ULK2: variants seen among roughly 807,000 people sequenced by gnomAD.
The protein encoded by ULK2 is unc-51 like autophagy activating kinase 2.
A neutral mutation model predicts 127.5 loss-of-function variants in ULK2; 76 were observed. That is an observed-to-expected ratio of 0.60 (90% CI 0.50 to 0.72). ULK2 has a LOEUF of 0.72. ULK2 is among the 30% of genes least tolerant of loss of function. The pLI is 0.00. For missense variants in ULK2, 1,144 were observed against 1,295.9 expected (o/e 0.88, Z 1.80); for synonymous variants, 452 against 461.9 (o/e 0.98, Z 0.28).
chr17:19,771,051 C>T lies in ULK2; in HGVS notation c.*5298G>A, dbSNP rs11658829. ...TGGAGCACCAAATGGAAAAGCTCTT[C>T]CTTCCTTCCCCTCTTCCTGTACATC... On this transcript the variant is annotated 3_prime_UTR_variant, in exon 27 of 27. Transcript: ENST00000395544. 5 of 152,164 alleles carry T rather than the reference C, an allele frequency of 3.3e-5. No individual in the cohort carries two copies. Among genetic ancestry groups the T allele is most frequent in the South Asian group, 2.1e-4 (1 of 4,834 alleles). The allele number at this position is 152,164 out of a possible 1,614,324, so 9.4% of individuals were successfully genotyped here. A position where few individuals can be genotyped will look rare whatever the true frequency, so the allele number is the denominator to read the frequency against.
chr17:19,850,222 T>A (rs767053806), intron 3 of ULK2, among the ~76,000 whole-genome samples: 11 of 152,196 alleles, frequency 7.2e-5, no homozygotes, highest in Non-Finnish European at 4.4e-5. Flanking sequence ...ATTTCTGGAA[T>A]ATATGACTCA....
In ULK2 at chr17:19,839,797, T is replaced by C. The variant is rs551587303; in HGVS notation, c.705-1214A>G. On this transcript the variant is annotated intron_variant, in intron 9 of 26. Transcript: ENST00000395544. ...CCTCATGCATTTGTGCAGCATCAAA[T>C]CTGCTAACATTCCATGTTGGTAAAA... Among the ~76,000 whole-genome samples, 239 of 152,190 alleles carry C rather than the reference T, an allele frequency of 1.6e-3. 1 individual carries two copies. The highest frequency in any genetic ancestry group is 5.5e-3 in the African/African-American group (228 of 41,520).
At chr17:19,810,546 A>G (rs1420850579) in intron 13 of ULK2, 108 bp from the exon 14 acceptor site, 1 of 634,650 alleles carries the variant, frequency 1.6e-6, no homozygotes, top group African/African-American at 1.9e-5. Flanking sequence ...CAAAATTACC[A>G]TTGGCTTATG....
chr17:19,777,471 G>A (rs759437834), intron 26 of ULK2, 110 bp downstream of exon 26: 2 of 1,237,950 alleles, frequency 1.6e-6, no homozygotes, highest in Non-Finnish European at 2.2e-6. Context: ...AGGCTGGAAA[G>A]CCACGATTCA....
intron 21 of ULK2, chr17:19,784,126 G>A (rs933703645): frequency 1.3e-5 from 5 of 386,132 alleles, no homozygotes; most frequent in South Asian, 1.4e-4. Flanking sequence ...CATCATCAGA[G>A]CTAGTTTTTT....
At chr17:19,821,221 C>A (rs1286161475) in intron 12 of ULK2, among the ~76,000 whole-genome samples, 1 of 152,152 alleles carries the variant, frequency 6.6e-6, no homozygotes, top group Non-Finnish European at 1.5e-5. Flanking sequence ...GCAGGAGAAT[C>A]ACTTGAACGC....
Position 19,864,799 on chromosome 17 carries a change from G to A in ULK2, c.225+4C>T, listed in dbSNP as rs2152404069. 3 of 1,281,096 alleles carry A rather than the reference G, an allele frequency of 2.3e-6. No homozygotes were observed. The highest frequency in any genetic ancestry group is 5.5e-5 in the East Asian group (2 of 36,550). The allele number at this position is 1,281,096 out of a possible 1,614,324, so 79.4% of individuals were successfully genotyped here. On this transcript the variant is annotated splice_donor_region_variant and intron_variant, in intron 3 of 26. Transcript: ENST00000395544. ...AATTTTTAAAAATTTTCAAAATAAG[G>A]TACCTGAACATCATAGAGTGCTACA...
At chr17:19,832,086 C>T (rs2041467507) in intron 10 of ULK2, among the ~76,000 whole-genome samples, 2 of 151,696 alleles carry the variant, frequency 1.3e-5, no homozygotes, top group African/African-American at 2.4e-5. Flanking sequence ...CAAGATGACG[C>T]CACTGCACTC....
chr17:19,867,571 C>G lies in ULK2; in HGVS notation c.-154G>C, dbSNP rs116512860. 0.022 allele frequency: 7,956 copies of G among 369,704 alleles called. 386 individuals carry two copies. The highest frequency in any genetic ancestry group is 0.11 in the African/African-American group (5,036 of 46,288). The allele number at this position is 369,704 out of a possible 1,614,324, so 22.9% of individuals were successfully genotyped here. ...CGGGCGGACTCTCATGCCGAGAGAC[C>G]GGAGCGGAAACTGGGGAAGCTGCCG... On this transcript the variant is annotated 5_prime_UTR_variant, in exon 1 of 27. Coordinates refer to ENST00000395544, the MANE Select transcript of ULK2 (RefSeq NM_014683.4).
At chr17:19,778,816 A>C (rs1439965871) in intron 25 of ULK2, among the ~76,000 whole-genome samples, 1 of 152,182 alleles carries the variant, frequency 6.6e-6, no homozygotes, top group Non-Finnish European at 1.5e-5. Flanking sequence ...TAAAATGGAT[A>C]CAGAAGATCA....
chr17:19,807,920 C>T (rs961486672), intron 14 of ULK2, among the ~76,000 whole-genome samples: 1 of 152,102 alleles, frequency 6.6e-6, no homozygotes, highest in Non-Finnish European at 1.5e-5. Flanking sequence ...GCCTGACCAA[C>T]ATGGCGAAAC....
intron 20 of ULK2, among the ~76,000 whole-genome samples, chr17:19,790,898 C>G (rs941966078): frequency 2.6e-5 from 4 of 152,084 alleles, no homozygotes; most frequent in Admixed American, 2.6e-4. Context: ...AGACAAAAAC[C>G]ATAAAAAGGG....
intron 25 of ULK2, among the ~76,000 whole-genome samples, chr17:19,778,160 T>A (rs2086846788): frequency 6.6e-6 from 1 of 152,210 alleles, no homozygotes; most frequent in Non-Finnish European, 1.5e-5. Context: ...GTGTAGTCAT[T>A]CATTCATTCA....
At chr17:19,801,986 T>G (rs1449860704) in intron 15 of ULK2, 64 bp from the exon 16 acceptor site, 2 of 1,511,278 alleles carry the variant, frequency 1.3e-6, no homozygotes, top group Non-Finnish European at 1.8e-6. Context: ...CTGCATTTTC[T>G]GAAACTTCCT....
intron 10 of ULK2, among the ~76,000 whole-genome samples, chr17:19,834,227 AAC>A (rs990122412): frequency 2.0e-5 from 3 of 152,148 alleles, no homozygotes; most frequent in African/African-American, 7.2e-5. Context: ...CAAAAAAAAA[AAC>A]ACTTTTCCAA....
rs1294334011 is a variant in ULK2, at chr17:19,816,846, T to C, written c.999A>G (p.Gln333=). ...SPPLGPPNYL[Q]VSKDSASTSS... is the part of the protein sequence containing the mutation. ...TAGTACTGGCAGAATCTTTGGAAAC[T>C]TGTAGATAGTTGGGAGGACCCAATG... is the stretch of plus-strand genomic sequence containing the variant. Residue 333 remains glutamine, a synonymous_variant, in exon 13 of 27, where the codon CAA becomes CAG. Coordinates refer to ENST00000395544, the MANE Select transcript of ULK2 (RefSeq NM_014683.4). 10 of 1,612,772 alleles carry C rather than the reference T, an allele frequency of 6.2e-6. No homozygotes were observed. The highest frequency in any genetic ancestry group is 3.4e-5 in the Admixed American group (2 of 59,606).
chr17:19,797,738 T>C, intron 17 of ULK2, 56 bp from the exon 18 acceptor site: 1 of 1,371,420 alleles, frequency 7.3e-7, no homozygotes, highest in Non-Finnish European at 9.5e-7. Context: ...AGTGCAAAAA[T>C]GTAAAAATTA....
At chr17:19,841,692 G>A in intron 8 of ULK2, 145 bp from the exon 9 acceptor site, 2 of 585,054 alleles carry the variant, frequency 3.4e-6, no homozygotes, top group Non-Finnish European at 5.8e-6. Flanking sequence ...AGGAGGGAAA[G>A]TATGAGGGAG....
intron 3 of ULK2, among the ~76,000 whole-genome samples, chr17:19,854,030 G>T (rs1466981776): frequency 1.3e-5 from 2 of 152,066 alleles, no homozygotes; most frequent in African/African-American, 2.4e-5. Context: ...CAGGCACAGT[G>T]GCTCACACCT....
Sources: gnomAD v4.1 joint callset for allele counts (sites outside exome capture counted in the v4.1 genomes callset) on GRCh38, gnomAD v4.1.1 for gene constraint, MANE v1.5 for transcripts, NCBI Gene and HGNC (gene_info 2026-07-23, HGNC 2026-07-21) for gene names.